Variants in TMEM116 observed in about 807,000 individuals in gnomAD.
TMEM116 encodes the protein transmembrane protein 116.
TMEM116 carries 38 observed loss-of-function variants against 44.3 expected under a neutral mutation model. The observed-to-expected ratio is 0.86, with a 90% CI of 0.66 to 1.12. TMEM116 has a LOEUF of 1.12. Ranked by LOEUF, TMEM116 falls within the 50% of genes most tolerant of loss-of-function variation. TMEM116 has a pLI of 0.00. For missense variants in TMEM116, 354 were observed against 401.7 expected, an observed-to-expected ratio of 0.88 and a Z score of 1.01; for synonymous variants, 132 against 144.8, an observed-to-expected ratio of 0.91 and a Z score of 0.64.
intron 4 of TMEM116, among the ~76,000 whole-genome samples, chr12:111,957,808 A>T (rs1452894695): frequency 6.6e-6 from 1 of 152,252 alleles, no homozygotes; most frequent in African/African-American, 2.4e-5. Flanking sequence ...GGCCATGATG[A>T]CAATGGCGGT....
At chr12:111,976,032 G>A (rs2075649679) in intron 4 of TMEM116, among the ~76,000 whole-genome samples, 1 of 151,968 alleles carries the variant, frequency 6.6e-6, no homozygotes, top group South Asian at 2.1e-4. Flanking sequence ...ATGGAGTCTT[G>A]CTCTGTCACC....
Position 111,977,695 on chromosome 12 carries a change from G to GA in TMEM116, c.210+14062dup, listed in dbSNP as rs1316792412. On this transcript the variant is annotated intron_variant, in intron 4 of 10. Transcript: ENST00000552374. ...CTTAGCTGACATAATAGTAATAATA[G>GA]AAAAAATGTATTGAGTGATTATATC... Among the ~76,000 whole-genome samples, 6 of 151,888 alleles carry GA rather than the reference G, an allele frequency of 4.0e-5. No homozygotes were observed. In the East Asian group the frequency reaches 1.2e-3, roughly 29 times the overall value.
At chr12:111,998,461 T>G (rs574216706) in intron 3 of TMEM116, among the ~76,000 whole-genome samples, 1 of 152,328 alleles carries the variant, frequency 6.6e-6, no homozygotes, top group East Asian at 1.9e-4. Flanking sequence ...AAATAATCCC[T>G]GGAGAAGAAA....
intron 2 of TMEM116, 94 bp downstream of exon 2, chr12:112,005,163 T>C (rs1700663114): frequency 2.4e-6 from 2 of 822,930 alleles, no homozygotes; most frequent in African/African-American, 1.8e-5. Flanking sequence ...AACTAAAGAG[T>C]AAAAGCAAAT....
chr12:111,988,622 C>T (rs908347968), intron 4 of TMEM116, among the ~76,000 whole-genome samples: 11 of 151,658 alleles, frequency 7.3e-5, no homozygotes. Flanking sequence ...TCGCTTGAAC[C>T]TGGGAGGCAG....
chr12:111,947,628 T>A (rs1319422657), intron 4 of TMEM116, among the ~76,000 whole-genome samples: 1 of 152,234 alleles, frequency 6.6e-6, no homozygotes, highest in African/African-American at 2.4e-5. Flanking sequence ...TGTCTGGTTA[T>A]GGTAAACTTT....
intron 10 of TMEM116, 135 bp from the exon 11 acceptor site, chr12:111,931,962 T>G: frequency 1.6e-6 from 1 of 644,552 alleles, no homozygotes; most frequent in Non-Finnish European, 2.5e-6. Context: ...CATCAGTTTT[T>G]TATATTTTTC....
chr12:111,937,165 G>T lies in TMEM116; in HGVS notation c.444C>A (p.Ser148Arg), dbSNP rs537727090. 6.2e-7 allele frequency: 1 copy of T among 1,611,410 alleles called. No individual in the cohort carries two copies. Among genetic ancestry groups the T allele is most frequent in the South Asian group, 1.1e-5 (1 of 91,016 alleles). The change falls in exon 7 of 11, where the codon AGC (serine) becomes AGA (arginine). Residue 148 changes from serine (S) to arginine (R), a missense_variant. Transcript: ENST00000552374. ...TACATTTAGTTCTTACTTACTTGTG[G>T]CTCTGACTGAAGTTTTGGAAACATT... Reference protein sequence around the residue: ...TSECFQNFSQSHKCILMHSPP... With the variant: ...TSECFQNFSQRHKCILMHSPP...
chr12:111,980,500 G>A (rs1431001420), intron 4 of TMEM116, among the ~76,000 whole-genome samples: 1 of 152,148 alleles, frequency 6.6e-6, no homozygotes, highest in Non-Finnish European at 1.5e-5. Flanking sequence ...ACACATGACA[G>A]TATGAATTTA....
intron 4 of TMEM116, among the ~76,000 whole-genome samples, chr12:111,988,464 C>G (rs1466163055): frequency 7.0e-6 from 1 of 143,442 alleles, no homozygotes; most frequent in Non-Finnish European, 1.5e-5. Flanking sequence ...GAGGGTGAGG[C>G]GGGTGGATCA....
At chr12:111,966,154 AAATTAGCCAGGTGTGATGGT>A (rs1213513192) in intron 4 of TMEM116, among the ~76,000 whole-genome samples, 3 of 151,878 alleles carry the variant, frequency 2.0e-5, no homozygotes, top group Non-Finnish European at 4.4e-5. Context: ...AAAAGTACAA[AAATTAGCCAGGTGTGATGGT>A]GTGCACCTGC....
chr12:111,968,975 A>G (rs2075145996), intron 4 of TMEM116, among the ~76,000 whole-genome samples: 1 of 144,454 alleles, frequency 6.9e-6, no homozygotes, highest in Admixed American at 7.2e-5. Context: ...CCTGGGCAAC[A>G]GAGCGAGACT....
chr12:111,940,393 C>T (rs1456288310), intron 5 of TMEM116, among the ~76,000 whole-genome samples: 3 of 148,150 alleles, frequency 2.0e-5, no homozygotes, highest in Non-Finnish European at 4.5e-5. Context: ...GACAGGGTTT[C>T]ACTCTGTTAC....
intron 5 of TMEM116, among the ~76,000 whole-genome samples, chr12:111,940,550 C>CATATGTGTAT (rs1565874405): frequency 7.8e-6 from 1 of 127,708 alleles, no homozygotes; most frequent in African/African-American, 3.2e-5. Flanking sequence ...TATATACACA[C>CATATGTGTAT]ACACATATAT....
intron 5 of TMEM116, among the ~76,000 whole-genome samples, chr12:111,940,480 T>TAC (rs145433427): frequency 0.45 from 58,341 of 128,592 alleles, 14,033 homozygotes; most frequent in South Asian, 0.64. Flanking sequence ...TATATATACA[T>TAC]ACACACACAC....
chr12:111,982,889 G>A (rs1483790138), intron 4 of TMEM116, among the ~76,000 whole-genome samples: 3 of 152,182 alleles, frequency 2.0e-5, no homozygotes, highest in East Asian at 1.9e-4. Context: ...GTTTGTTTTT[G>A]TATGAGGAAT....
chr12:111,945,029 C>T (rs970052595), intron 4 of TMEM116, among the ~76,000 whole-genome samples: 1 of 145,808 alleles, frequency 6.9e-6, no homozygotes, highest in East Asian at 2.0e-4. Context: ...GAGACAAGAT[C>T]GCGCCACTGC....
chr12:111,962,875 G>C (rs1286900633), intron 4 of TMEM116, among the ~76,000 whole-genome samples: 1 of 152,144 alleles, frequency 6.6e-6, no homozygotes, highest in East Asian at 1.9e-4. Flanking sequence ...AAAGTGAACA[G>C]GCAGCCTATA....
chr12:111,980,161 C>T (rs537839101), intron 4 of TMEM116, among the ~76,000 whole-genome samples: 7 of 152,240 alleles, frequency 4.6e-5, no homozygotes, highest in South Asian at 2.1e-4. Flanking sequence ...ATAATTGCCC[C>T]AAACTAGAAG....
Sources: allele counts gnomAD v4.1 joint callset (sites outside exome capture counted in the v4.1 genomes callset), GRCh38; gene constraint gnomAD v4.1.1; transcripts MANE v1.5; gene names NCBI Gene and HGNC (gene_info 2026-07-23, HGNC 2026-07-21).